The following CHCHD6 variants were observed in gnomAD, a reference collection of about 807,000 sequenced individuals.
The protein encoded by CHCHD6 is coiled-coil-helix-coiled-coil-helix domain containing 6, also known as MICOS complex subunit MIC25.
Under a neutral mutation model 32.3 loss-of-function variants are expected in CHCHD6, and 28 were observed. That is an observed-to-expected ratio of 0.87 (90% CI 0.64 to 1.19). The LOEUF is 1.19. Among genes scored for constraint, CHCHD6 ranks in the 50% most tolerant of loss-of-function variants. The pLI is 0.00. For missense variants in CHCHD6, 333 were observed against 307.0 expected (o/e 1.08, Z -0.63); for synonymous variants, 122 against 117.5 (o/e 1.04, Z -0.25).
chr3:126,760,732 C>T (rs1434185231), intron 4 of CHCHD6, among the ~76,000 whole-genome samples: 2 of 152,238 alleles, frequency 1.3e-5, no homozygotes, highest in Non-Finnish European at 2.9e-5. Context: ...ATTTATTCAT[C>T]TGTTGATGGG....
chr3:126,838,771 G>C (rs1274232983), intron 4 of CHCHD6, among the ~76,000 whole-genome samples: 1 of 152,140 alleles, frequency 6.6e-6, no homozygotes, highest in African/African-American at 2.4e-5. Context: ...ATAATTGTTA[G>C]AGCCAGAATT....
chr3:126,752,717 C>G (rs925297536), intron 4 of CHCHD6, among the ~76,000 whole-genome samples: 1 of 152,212 alleles, frequency 6.6e-6, no homozygotes, highest in Non-Finnish European at 1.5e-5. Flanking sequence ...GCATCCCGTT[C>G]GTTCTCCCTG....
chr3:126,753,716 AG>A (rs1936830206), intron 4 of CHCHD6, among the ~76,000 whole-genome samples: 1 of 152,214 alleles, frequency 6.6e-6, no homozygotes, highest in Admixed American at 6.5e-5. Context: ...TTTCTGCAGC[AG>A]TGGGTGAAGA....
intron 4 of CHCHD6, among the ~76,000 whole-genome samples, chr3:126,773,121 C>T (rs1309645760): frequency 6.6e-6 from 1 of 152,002 alleles, no homozygotes; most frequent in African/African-American, 2.4e-5. Flanking sequence ...GATGGGGTTC[C>T]CTTTGTAGGT....
chr3:126,775,930 G>C (rs1301000471), intron 4 of CHCHD6, among the ~76,000 whole-genome samples: 2 of 152,216 alleles, frequency 1.3e-5, no homozygotes, highest in Middle Eastern at 3.2e-3. Flanking sequence ...CCCTATTGGA[G>C]AGACTTTCAT....
intron 4 of CHCHD6, among the ~76,000 whole-genome samples, chr3:126,823,833 G>A (rs1553742942): frequency 6.6e-6 from 1 of 152,108 alleles, no homozygotes; most frequent in Non-Finnish European, 1.5e-5. Flanking sequence ...GATTGCTTGA[G>A]CCCAGGAGTT....
At chr3:126,871,773 C>A (rs1470038298) in intron 5 of CHCHD6, among the ~76,000 whole-genome samples, 2 of 148,778 alleles carry the variant, frequency 1.3e-5, no homozygotes, top group Admixed American at 6.8e-5. Flanking sequence ...TCAAGCAATT[C>A]TCCTGCCTCA....
At chr3:126,875,844 C>T (rs558686459) in intron 5 of CHCHD6, among the ~76,000 whole-genome samples, 20 of 152,250 alleles carry the variant, frequency 1.3e-4, no homozygotes. Context: ...ACATGTTCTC[C>T]CTTAGGAATA....
intron 6 of CHCHD6, among the ~76,000 whole-genome samples, chr3:126,948,395 C>T (rs1375774347): frequency 6.6e-6 from 1 of 152,202 alleles, no homozygotes; most frequent in Non-Finnish European, 1.5e-5. Flanking sequence ...TGGGCACACA[C>T]ATCGCTCTAC....
chr3:126,881,617 CAT>C (rs2077611346), intron 5 of CHCHD6, among the ~76,000 whole-genome samples: 2 of 152,280 alleles, frequency 1.3e-5, no homozygotes, highest in African/African-American at 2.4e-5. Context: ...GCTGTAAAAA[CAT>C]AGAATTCAGA....
chr3:126,927,346 C>T (rs571716542), intron 6 of CHCHD6, among the ~76,000 whole-genome samples: 1 of 152,300 alleles, frequency 6.6e-6, no homozygotes, highest in East Asian at 1.9e-4. Flanking sequence ...AGTGCCCAAA[C>T]GAGGGGGCAC....
intron 6 of CHCHD6, among the ~76,000 whole-genome samples, chr3:126,916,056 C>T (rs1480758383): frequency 6.6e-6 from 1 of 151,894 alleles, no homozygotes; most frequent in Non-Finnish European, 1.5e-5. Flanking sequence ...GGGGATACTA[C>T]ATATTGTGGC....
chr3:126,854,301 G>C (rs951686133), intron 5 of CHCHD6, among the ~76,000 whole-genome samples: 1 of 152,098 alleles, frequency 6.6e-6, no homozygotes, highest in Non-Finnish European at 1.5e-5. Context: ...CCAGAAGGAG[G>C]TGCAAAAGCA....
chr3:126,726,072 C>T (rs568100964), intron 1 of CHCHD6, among the ~76,000 whole-genome samples: 3 of 152,330 alleles, frequency 2.0e-5, no homozygotes, highest in African/African-American at 7.2e-5. Flanking sequence ...CTGTTAGGTG[C>T]AACAGGCCTA....
chr3:126,856,788 T>C (rs557624549), intron 5 of CHCHD6, among the ~76,000 whole-genome samples: 1 of 152,304 alleles, frequency 6.6e-6, no homozygotes, highest in East Asian at 1.9e-4. Context: ...CAGTCAACCA[T>C]GGAGCTGAGT....
At chr3:126,877,468 T>A (rs569225737) in intron 5 of CHCHD6, among the ~76,000 whole-genome samples, 15 of 151,444 alleles carry the variant, frequency 9.9e-5, no homozygotes, top group African/African-American at 3.4e-4. Flanking sequence ...GGCAGGAGAA[T>A]GGCCTGAACC....
intron 4 of CHCHD6, among the ~76,000 whole-genome samples, chr3:126,803,814 T>C (rs1223878321): frequency 2.0e-5 from 3 of 152,244 alleles, no homozygotes; most frequent in East Asian, 1.9e-4. Context: ...TAGTTGGAAG[T>C]AAAGCTCTCC....
intron 4 of CHCHD6, 134 bp from the exon 5 acceptor site, chr3:126,852,513 C>T: frequency 1.6e-6 from 1 of 643,842 alleles, no homozygotes; most frequent in East Asian, 2.8e-5. Context: ...TCTGGCATAT[C>T]ATAAGGTTTT....
chr3:126,905,657 G>A (rs1278229983), intron 5 of CHCHD6, among the ~76,000 whole-genome samples: 5 of 152,148 alleles, frequency 3.3e-5, no homozygotes, highest in Non-Finnish European at 7.3e-5. Context: ...GGGTGGCCAG[G>A]ATGGGGGGTG....
Sources: gnomAD v4.1 joint callset for allele counts (sites outside exome capture counted in the v4.1 genomes callset) on GRCh38, gnomAD v4.1.1 for gene constraint, MANE v1.5 for transcripts, NCBI Gene and HGNC (gene_info 2026-07-23, HGNC 2026-07-21) for gene names.